Variants in DLG2 observed in about 807,000 individuals in gnomAD.
The protein encoded by DLG2 is disks large homolog 2.
A neutral mutation model predicts 132.5 loss-of-function variants in DLG2; 45 were observed. The ratio of observed to expected loss-of-function variants is 0.34; its 90% confidence interval spans 0.27 to 0.44. The LOEUF (loss-of-function observed/expected upper bound fraction) is 0.44, where lower values mean the gene tolerates loss of function less well. DLG2 is among the 20% of genes least tolerant of loss of function. DLG2 has a pLI of 1.00. For missense variants in DLG2, 1,045 were observed against 1,196.9 expected, an observed-to-expected ratio of 0.87 and a Z score of 1.87; for synonymous variants, 424 against 419.6, an observed-to-expected ratio of 1.01 and a Z score of -0.13.
chr11:84,104,257 A>AAAATC (rs1485368275), intron 9 of DLG2, among the ~76,000 whole-genome samples: 1 of 152,126 alleles, frequency 6.6e-6, no homozygotes, highest in African/African-American at 2.4e-5. Flanking sequence ...AAAAAAGAAT[A>AAAATC]AAATCATATC....
intron 7 of DLG2, among the ~76,000 whole-genome samples, chr11:84,525,064 C>G (rs184598523): frequency 3.9e-5 from 6 of 152,054 alleles, no homozygotes; most frequent in Non-Finnish European, 7.4e-5. Flanking sequence ...TTCATGTTAT[C>G]CTCGGTAGGT....
At chr11:85,072,242 G>A (rs11234288) in intron 6 of DLG2, among the ~76,000 whole-genome samples, 1 of 151,744 alleles carries the variant, frequency 6.6e-6, no homozygotes, top group Non-Finnish European at 1.5e-5. Context: ...GCAGTCACTC[G>A]TAAATGTGGC....
At chr11:85,009,223 T>C (rs895724890) in intron 6 of DLG2, among the ~76,000 whole-genome samples, 2 of 152,084 alleles carry the variant, frequency 1.3e-5, no homozygotes, top group African/African-American at 4.8e-5. Context: ...CAGAGACCTA[T>C]TATAACCAGC....
chr11:84,902,144 C>T (rs537399997), intron 6 of DLG2, among the ~76,000 whole-genome samples: 1 of 152,078 alleles, frequency 6.6e-6, no homozygotes, highest in African/African-American at 2.4e-5. Context: ...GAATGGAAAT[C>T]TGGACGCAGG....
At chr11:85,098,384 A>T (rs2070272900) in intron 6 of DLG2, among the ~76,000 whole-genome samples, 1 of 152,136 alleles carries the variant, frequency 6.6e-6, no homozygotes, top group East Asian at 1.9e-4. Context: ...ATTAGATGAG[A>T]TTCTTTTTTT....
intron 11 of DLG2, among the ~76,000 whole-genome samples, chr11:84,002,320 C>T (rs1358302798): frequency 6.6e-6 from 1 of 152,164 alleles, no homozygotes; most frequent in Non-Finnish European, 1.5e-5. Context: ...GATGGGGGCC[C>T]TCTTCTTACA....
At chr11:84,295,943 T>C (rs2098083702) in intron 7 of DLG2, among the ~76,000 whole-genome samples, 2 of 152,182 alleles carry the variant, frequency 1.3e-5, no homozygotes, top group South Asian at 4.1e-4. Flanking sequence ...GTAATTTTAG[T>C]GATGTGATAA....
intron 10 of DLG2, among the ~76,000 whole-genome samples, chr11:84,096,399 G>C (rs997678546): frequency 2.0e-5 from 3 of 152,162 alleles, no homozygotes; most frequent in African/African-American, 7.2e-5. Context: ...TAGCACAGCA[G>C]AACTTTGCTT....
At chr11:84,034,899 G>A (rs2095820344) in intron 11 of DLG2, among the ~76,000 whole-genome samples, 1 of 152,126 alleles carries the variant, frequency 6.6e-6, no homozygotes, top group South Asian at 2.1e-4. Flanking sequence ...TTATATCTGT[G>A]AATAAATTAC....
chr11:84,903,205 G>A (rs991377634), intron 6 of DLG2, among the ~76,000 whole-genome samples: 7 of 152,230 alleles, frequency 4.6e-5, no homozygotes, highest in Middle Eastern at 3.4e-3. Flanking sequence ...AACCTTTAGC[G>A]AATACAAAGA....
At chr11:84,908,236 T>C (rs1265856639) in intron 6 of DLG2, among the ~76,000 whole-genome samples, 1 of 152,196 alleles carries the variant, frequency 6.6e-6, no homozygotes, top group Non-Finnish European at 1.5e-5. Context: ...ATTTTAATAC[T>C]ACATTTTATA....
intron 2 of DLG2, among the ~76,000 whole-genome samples, chr11:85,600,993 G>A (rs962975910): frequency 6.6e-6 from 1 of 152,144 alleles, no homozygotes; most frequent in Non-Finnish European, 1.5e-5. Context: ...CCAACATGAT[G>A]TCTCTGAACA....
At chr11:85,100,205 T>C (rs923014299) in intron 6 of DLG2, among the ~76,000 whole-genome samples, 3 of 152,140 alleles carry the variant, frequency 2.0e-5, no homozygotes, top group Non-Finnish European at 4.4e-5. Context: ...AGTTCATTGC[T>C]CAAGTGCCTT....
At chr11:83,990,749 C>G (rs927384968) in intron 11 of DLG2, among the ~76,000 whole-genome samples, 1 of 152,150 alleles carries the variant, frequency 6.6e-6, no homozygotes, top group Non-Finnish European at 1.5e-5. Context: ...TCTGGGCCAT[C>G]TCTAAACAAT....
chr11:83,822,902 C>T (rs992546157), intron 17 of DLG2, among the ~76,000 whole-genome samples: 1 of 152,064 alleles, frequency 6.6e-6, no homozygotes, highest in African/African-American at 2.4e-5. Context: ...GGTAAGGGAG[C>T]TTGTCATGAA....
chr11:84,176,915 T>A (rs1392908479), intron 8 of DLG2, among the ~76,000 whole-genome samples: 1 of 152,086 alleles, frequency 6.6e-6, no homozygotes, highest in Non-Finnish European at 1.5e-5. Context: ...ATTCCCTTCC[T>A]TTCCTTTTCT....
intron 6 of DLG2, among the ~76,000 whole-genome samples, chr11:85,073,989 A>C (rs547192931): frequency 6.6e-6 from 1 of 151,966 alleles, no homozygotes; most frequent in East Asian, 1.9e-4. Flanking sequence ...GTGAACCAAC[A>C]CAGGAACAGA....
chr11:84,522,012 A>G (rs1273684266), intron 7 of DLG2, among the ~76,000 whole-genome samples: 3 of 136,858 alleles, frequency 2.2e-5, no homozygotes, highest in Non-Finnish European at 5.0e-5. Context: ...TACTAAAAAT[A>G]CAAAAATGAG....
At chr11:83,488,521 CAT>C (rs771279937) in intron 21 of DLG2, among the ~76,000 whole-genome samples, 26 of 151,992 alleles carry the variant, frequency 1.7e-4, no homozygotes, top group Non-Finnish European at 3.1e-4. Context: ...TTTAAACACA[CAT>C]GAGTGAATCT....
Sources: allele counts gnomAD v4.1 joint callset (sites outside exome capture counted in the v4.1 genomes callset), GRCh38; gene constraint gnomAD v4.1.1; transcripts MANE v1.5; gene names NCBI Gene and HGNC (gene_info 2026-07-23, HGNC 2026-07-21).